Variants in EHMT2 observed in about 807,000 individuals in gnomAD.
The protein encoded by EHMT2 is euchromatic histone lysine methyltransferase 2.
EHMT2 carries 59 observed loss-of-function variants against 143.3 expected under a neutral mutation model. That is an observed-to-expected ratio of 0.41 (90% CI 0.33 to 0.51). The LOEUF is 0.51. Among genes scored for constraint, EHMT2 ranks in the 20% least tolerant of loss-of-function variants. The pLI, the probability that EHMT2 is intolerant of heterozygous loss-of-function variation, is 0.18. For synonymous variants in EHMT2, 604 were observed against 651.5 expected (o/e 0.93, Z 1.11); for missense variants, 1,174 against 1,645.9 (o/e 0.71, Z 4.96).
Position 31,883,280 on chromosome 6 carries a change from G to T in EHMT2, c.2994+82C>A. On this transcript the variant is annotated intron_variant, in intron 23 of 27. Transcript: ENST00000375537. This position sits in a 1 kb window ranked among gnomAD's most constrained non-coding sequence, Gnocchi z 5.6. ...CCACAGGGTAGGAGGTGAGGGACAT[G>T]GTCCCAGGGAGCTGGTTTATTGGAG... 1 of 1,394,872 alleles carries T rather than the reference G, an allele frequency of 7.2e-7. No individual in the cohort carries two copies. The highest frequency in any genetic ancestry group is 1.0e-6 in the Non-Finnish European group (1 of 994,168). The allele number at this position is 1,394,872 out of a possible 1,614,324, so 86.4% of individuals were successfully genotyped here.
chr6:31,896,351 G>C, exon 4 of EHMT2: 1 of 1,612,994 alleles, frequency 6.2e-7, no homozygotes, highest in Non-Finnish European at 8.5e-7. Flanking sequence ...AGGGGGTTCA[G>C]ACCCTGCTGC....
chr6:31,887,438 ATG>A, intron 15 of EHMT2, 137 bp downstream of exon 15: 1 of 738,554 alleles, frequency 1.4e-6, no homozygotes. Flanking sequence ...TATGGGTTAC[ATG>A]TGTCTTTTCC....
At chr6:31,895,358 C>T (rs955244763) in intron 4 of EHMT2, 3 of 152,120 alleles carry the variant, frequency 2.0e-5, no homozygotes, top group Admixed American at 1.3e-4. Flanking sequence ...TTTGTTATTT[C>T]TTCAATCTTT....
rs771160043 is a variant in EHMT2, at chr6:31,884,755, G to T, written c.2493C>A (p.Ala831=). The change falls in exon 20 of 28, where the codon GCC becomes GCA. Residue 831 remains alanine, a synonymous_variant. Transcript: ENST00000375537. This position sits in a 1 kb window ranked among gnomAD's most constrained non-coding sequence, Gnocchi z 7.3. ...CATTCAGAAGGACTTCGGCGATGGC[G>T]GCGCTGCCCGTGAAGGAGGCCCAGT... 11 of 1,601,836 alleles carry T rather than the reference G, an allele frequency of 6.9e-6. No homozygotes were observed. Among genetic ancestry groups the T allele is most frequent in the Non-Finnish European group, 9.4e-6 (11 of 1,174,574 alleles).
At chr6:31,891,037 G>C (rs1303075383) in intron 7 of EHMT2, among the ~76,000 whole-genome samples, 1 of 151,622 alleles carries the variant, frequency 6.6e-6, no homozygotes, top group Admixed American at 6.6e-5. Flanking sequence ...CCACCTCCCA[G>C]GTTCAAGCGA....
At chr6:31,894,677 A>AT (rs1766134567) in intron 4 of EHMT2, among the ~76,000 whole-genome samples, 1 of 151,492 alleles carries the variant, frequency 6.6e-6, no homozygotes, top group African/African-American at 2.4e-5. Context: ...GAATTGTGCT[A>AT]TTTTTTTTGA....
intron 7 of EHMT2, among the ~76,000 whole-genome samples, 187 bp downstream of exon 7, chr6:31,892,220 C>T (rs539373538): frequency 1.1e-4 from 17 of 152,066 alleles, no homozygotes; most frequent in Admixed American, 4.6e-4. Flanking sequence ...CCAGCCTGGG[C>T]GACAGAATGA....
chr6:31,886,813 G>C (rs150976594), exon 17 of EHMT2: 34 of 1,614,104 alleles, frequency 2.1e-5, no homozygotes, highest in Non-Finnish European at 2.8e-5. Context: ...ACCATGTAAC[G>C]GGCTACCTCC....
intron 4 of EHMT2, among the ~76,000 whole-genome samples, chr6:31,893,847 G>T (rs1333426862): frequency 6.6e-6 from 1 of 152,204 alleles, no homozygotes; most frequent in Non-Finnish European, 1.5e-5. Context: ...CTAGGGGGTG[G>T]AGGGAATGGA....
At position 31,884,797 on chromosome 6, in the gene EHMT2, C is replaced by T. The variant is rs1309202744; in HGVS notation, c.2451G>A (p.Glu817=). 1 of 1,596,978 alleles carries T rather than the reference C, an allele frequency of 6.3e-7. No individual in the cohort carries two copies. Among genetic ancestry groups the T allele is most frequent in the African/African-American group, 1.3e-5 (1 of 74,360 alleles). The change falls in exon 20 of 28, where the codon GAG becomes GAA. Residue 817 remains glutamate (E), a splice_region_variant and synonymous_variant. Coordinates refer to ENST00000375537, the Ensembl canonical transcript of EHMT2. The surrounding 1 kb of genome is among the most constrained non-coding windows in gnomAD (Gnocchi z 7.3). ...AGGCCCAGTGCAGGCAGATGTTCTC[C>T]TCCTGTGGAGGTAGGAGGGGAACAG...
chr6:31,883,171 G>T lies in EHMT2; in HGVS notation c.2995-162C>A. 1 of 857,014 alleles carries T rather than the reference G, an allele frequency of 1.2e-6. No individual in the cohort carries two copies. Among genetic ancestry groups the T allele is most frequent in the Non-Finnish European group, 1.9e-6 (1 of 534,864 alleles). 53.1% of individuals were successfully genotyped at this position (857,014 alleles called of 1,614,324 possible). ...AATGCAGGAGCATCATCCCTGGTTT[G>T]CATAGACCTGGGCACACGCCCATCG... On this transcript the variant is annotated intron_variant, in intron 23 of 27. Transcript: ENST00000375537. The surrounding 1 kb of genome is among the most constrained non-coding windows in gnomAD (Gnocchi z 5.6).
intron 4 of EHMT2, 147 bp downstream of exon 4, chr6:31,896,116 A>T: frequency 8.6e-7 from 1 of 1,167,962 alleles, no homozygotes; most frequent in East Asian, 2.5e-5. Context: ...GTTGGTTCAC[A>T]GATCAAGCAC....
chr6:31,884,467 A>G lies in EHMT2; in HGVS notation c.2696T>C (p.Phe899Ser). 6.2e-7 allele frequency: 1 copy of G among 1,612,956 alleles called. No homozygotes were observed. Among genetic ancestry groups the G allele is most frequent in the Non-Finnish European group, 8.5e-7 (1 of 1,180,018 alleles). The change falls in exon 21 of 28, where the codon TTT becomes TCT. Residue 899 changes from phenylalanine to serine, a missense_variant. Physicochemically the swap from Phe to Ser is radical, Grantham distance 155 (BLOSUM62 -2). Transcript: ENST00000375537. This position sits in a 1 kb window ranked among gnomAD's most constrained non-coding sequence, Gnocchi z 7.3. ...GAGCTTGCGGTTGAGTTGAAGCGCA[A>G]ACCACACGTCGGAGCGCTCGGGAGT...
In EHMT2 at chr6:31,884,965, C is replaced by G. The variant is rs763118108; in HGVS notation, c.2395G>C (p.Glu799Gln). The G allele has an allele frequency of 6.2e-7, 1 of 1,611,262 alleles. No homozygotes were observed. Among genetic ancestry groups the G allele is most frequent in the South Asian group, 1.1e-5 (1 of 91,042 alleles). ...CGCGTCAGTAGCATGCGGATCACCT[C>G]GATGTGCTTGTGCTCTGCAGCCCAG... The change falls in exon 19 of 28, where the codon GAG (glutamate) becomes CAG (glutamine). Residue 799 changes from glutamate to glutamine, a missense_variant. This residue lies in a region of EHMT2 where 608 missense variants were observed against 903.7 expected (regional missense o/e 0.67). Coordinates refer to ENST00000375537, the Ensembl canonical transcript of EHMT2. This position sits in a 1 kb window ranked among gnomAD's most constrained non-coding sequence, Gnocchi z 7.3.
chr6:31,882,162 G>T (rs962166477), intron 25 of EHMT2, among the ~76,000 whole-genome samples: 1 of 151,008 alleles, frequency 6.6e-6, no homozygotes, highest in African/African-American at 2.4e-5. Context: ...AAGTAAGATT[G>T]AGGGTTGTGG....
intron 18 of EHMT2, 82 bp downstream of exon 18, chr6:31,886,498 GA>G: frequency 7.9e-7 from 1 of 1,261,090 alleles, no homozygotes; most frequent in East Asian, 2.3e-5. Flanking sequence ...TCAGATGTAG[GA>G]AAGGCGGCCC....
chr6:31,884,287 T>C lies in EHMT2; in HGVS notation c.2771+105A>G. The C allele has an allele frequency of 1.5e-6, 2 of 1,325,716 alleles. No homozygotes were observed. The highest frequency in any genetic ancestry group is 2.0e-6 in the Non-Finnish European group (2 of 983,006). The allele number at this position is 1,325,716 out of a possible 1,614,324, so 82.1% of individuals were successfully genotyped here. A position where few individuals can be genotyped will look rare whatever the true frequency, so the allele number is the denominator to read the frequency against. The stretch of plus-strand genomic sequence containing the variant: ...GTGGGTGGTTCTGGGGATTCAGTGG[T>C]GCATGGGGAGGGGTTGGGGAATGTT... On this transcript the variant is annotated intron_variant, in intron 21 of 27. Transcript: ENST00000375537. This position sits in a 1 kb window ranked among gnomAD's most constrained non-coding sequence, Gnocchi z 7.3.
Position 31,886,688 on chromosome 6 carries a change from G to A in EHMT2, c.2242-6C>T. 6.2e-7 allele frequency: 1 copy of A among 1,614,086 alleles called. No individual in the cohort carries two copies. The highest frequency in any genetic ancestry group is 8.5e-7 in the Non-Finnish European group (1 of 1,179,998). Reference sequence around the variant, plus strand: ...CAGGTGGAACCGTCCTCCTCCTGAGGGAGACACGGGCAAATGAGCCTTTGG... The same window carrying A: ...CAGGTGGAACCGTCCTCCTCCTGAGAGAGACACGGGCAAATGAGCCTTTGG... On this transcript the variant is annotated splice_region_variant and splice_polypyrimidine_tract_variant and intron_variant, in intron 17 of 27. Coordinates refer to ENST00000375537, the Ensembl canonical transcript of EHMT2.
chr6:31,897,034 A>T (rs1349062741), intron 1 of EHMT2, 45 bp from the exon 2 acceptor site: 1 of 1,521,122 alleles, frequency 6.6e-7, no homozygotes, highest in South Asian at 1.3e-5. Context: ...AGCCCAGTAG[A>T]GAGTTGGGGG....
Sources: gnomAD v4.1 joint callset for allele counts (sites outside exome capture counted in the v4.1 genomes callset) on GRCh38, gnomAD v4.1.1 for gene constraint, gnomAD v4.1.1 regional missense constraint, Gnocchi (gnomAD v3.1) non-coding constraint, MANE v1.5 for transcripts, NCBI Gene and HGNC (gene_info 2026-07-23, HGNC 2026-07-21) for gene names.